The following CFDP1 variants were observed in gnomAD, a reference collection of about 807,000 sequenced individuals.
CFDP1 encodes the protein chromatin remodeling protein CFDP1, also known as heterochromatin-stabilizing protein CFDP1.
Under a neutral mutation model 40.1 loss-of-function variants are expected in CFDP1, and 31 were observed. The observed-to-expected ratio is 0.77, with a 90% CI of 0.58 to 1.04. The LOEUF is 1.04. Ranked by LOEUF, CFDP1 falls within the 50% of genes least tolerant of loss-of-function variation. CFDP1 has a pLI of 0.00. For synonymous variants in CFDP1, 167 were observed against 120.0 expected, an observed-to-expected ratio of 1.39 and a Z score of -2.56; for missense variants, 423 against 343.4, an observed-to-expected ratio of 1.23 and a Z score of -1.83.
chr16:75,383,773 C>T (rs562492151), intron 5 of CFDP1, among the ~76,000 whole-genome samples: 87 of 142,438 alleles, frequency 6.1e-4, no homozygotes, highest in African/African-American at 2.2e-3. Context: ...AAGCCGAGAT[C>T]GTGCCACTGC....
intron 5 of CFDP1, among the ~76,000 whole-genome samples, chr16:75,321,574 T>C (rs1484339642): frequency 6.6e-6 from 1 of 152,186 alleles, no homozygotes; most frequent in African/African-American, 2.4e-5. Context: ...TTTGGGCTTT[T>C]ACCAGCCTGA....
intron 4 of CFDP1, among the ~76,000 whole-genome samples, chr16:75,408,012 G>A (rs1597391165): frequency 6.6e-6 from 1 of 152,146 alleles, no homozygotes; most frequent in Non-Finnish European, 1.5e-5. Context: ...GCTGAGGTGG[G>A]AGAATGACTT....
chr16:75,314,266 T>C (rs889998546), intron 5 of CFDP1, among the ~76,000 whole-genome samples: 1 of 152,156 alleles, frequency 6.6e-6, no homozygotes, highest in African/African-American at 2.4e-5. Context: ...GATAAGTTAC[T>C]TAATGGGCTA....
At chr16:75,431,454 C>CAAAAAAAAAAAAAAAAAA (rs60902612) in intron 1 of CFDP1, among the ~76,000 whole-genome samples, 2 of 59,600 alleles carry the variant, frequency 3.4e-5, no homozygotes, top group African/African-American at 6.7e-5. Flanking sequence ...ACTCTTGTCT[C>CAAAAAAAAAAAAAAAAAA]AAAAAAAAAA....
At position 75,394,657 on chromosome 16, in the gene CFDP1, G is replaced by GTTTTTTTTTTTTTTTTTTTTT. The variant is rs1567670026; in HGVS notation, c.650+432_650+433insAAAAAAAAAAAAAAAAAAAAA. 6.8e-5 allele frequency: 4 copies of GTTTTTTTTTTTTTTTTTTTTT among 58,568 alleles called. 1 individual carries two copies. Among genetic ancestry groups the GTTTTTTTTTTTTTTTTTTTTT allele is most frequent in the Non-Finnish European group, 1.2e-4 (3 of 24,602 alleles). 3.6% of individuals were successfully genotyped at this position (58,568 alleles called of 1,614,324 possible). ...AAGAAAGCTACAACTAATTTTCTTCGCTTTTTTTTTTTTTTTTTTTTTTTA... is the reference window on the plus strand; with the variant it reads ...AAGAAAGCTACAACTAATTTTCTTCGTTTTTTTTTTTTTTTTTTTTTCTTTTTTTTTTTTTTTTTTTTTTTA... On this transcript the variant is annotated intron_variant, in intron 5 of 6. Transcript: ENST00000283882.
intron 5 of CFDP1, among the ~76,000 whole-genome samples, chr16:75,379,329 A>G (rs781714617): frequency 3.0e-5 from 4 of 133,212 alleles, no homozygotes; most frequent in African/African-American, 1.0e-4. Flanking sequence ...GTCTAGCAAG[A>G]CTGACCAAAA....
intron 5 of CFDP1, among the ~76,000 whole-genome samples, chr16:75,333,048 T>C (rs1250534972): frequency 6.6e-6 from 1 of 151,720 alleles, no homozygotes; most frequent in East Asian, 1.9e-4. Flanking sequence ...CCTCAGGTGA[T>C]CTGCCTGCTT....
At chr16:75,386,498 G>C (rs562844559) in intron 5 of CFDP1, among the ~76,000 whole-genome samples, 1 of 152,220 alleles carries the variant, frequency 6.6e-6, no homozygotes, top group African/African-American at 2.4e-5. Context: ...GCCCAGGCAG[G>C]TGGATTGCTT....
intron 1 of CFDP1, among the ~76,000 whole-genome samples, chr16:75,427,806 GCTTT>G (rs1458060113): frequency 6.6e-6 from 1 of 152,172 alleles, no homozygotes; most frequent in Non-Finnish European, 1.5e-5. Context: ...TTTATAAACA[GCTTT>G]ATTTGTAATC....
At chr16:75,296,291 G>C (rs1230264316) in intron 6 of CFDP1, among the ~76,000 whole-genome samples, 4 of 152,068 alleles carry the variant, frequency 2.6e-5, no homozygotes, top group African/African-American at 4.8e-5. Context: ...GCTCAGGCTG[G>C]AGTGCAGTGG....
intron 5 of CFDP1, among the ~76,000 whole-genome samples, chr16:75,356,385 C>T (rs1036791936): frequency 2.6e-5 from 4 of 152,172 alleles, no homozygotes; most frequent in Admixed American, 1.3e-4. Flanking sequence ...TGACTGGGTA[C>T]ACTGTCAATG....
At chr16:75,296,294 T>A (rs1283143729) in intron 6 of CFDP1, among the ~76,000 whole-genome samples, 1 of 152,016 alleles carries the variant, frequency 6.6e-6, no homozygotes, top group Non-Finnish European at 1.5e-5. Context: ...CAGGCTGGAG[T>A]GCAGTGGTGC....
chr16:75,340,312 T>C (rs944367111), intron 5 of CFDP1, among the ~76,000 whole-genome samples: 1 of 152,244 alleles, frequency 6.6e-6, no homozygotes, highest in Non-Finnish European at 1.5e-5. Context: ...GAAGAAGAAT[T>C]CATTTTTGGT....
chr16:75,313,260 C>T (rs985528074), intron 5 of CFDP1, among the ~76,000 whole-genome samples: 1 of 152,306 alleles, frequency 6.6e-6, no homozygotes, highest in East Asian at 1.9e-4. Context: ...GTGCTTGGTT[C>T]GTGCATATAA....
chr16:75,316,399 A>T (rs1162673195), intron 5 of CFDP1, among the ~76,000 whole-genome samples: 2 of 152,178 alleles, frequency 1.3e-5, no homozygotes, highest in Non-Finnish European at 2.9e-5. Context: ...GTGAATTAAT[A>T]GTAAAGAATC....
At chr16:75,320,865 T>C (rs1264421090) in intron 5 of CFDP1, among the ~76,000 whole-genome samples, 1 of 152,208 alleles carries the variant, frequency 6.6e-6, no homozygotes, top group Admixed American at 6.5e-5. Flanking sequence ...CAAGGAATAG[T>C]TTCCCTCTAA....
At chr16:75,359,056 C>T (rs866625980) in intron 5 of CFDP1, among the ~76,000 whole-genome samples, 2 of 152,154 alleles carry the variant, frequency 1.3e-5, no homozygotes, top group Non-Finnish European at 2.9e-5. Flanking sequence ...TTTCCAACTA[C>T]ATATTTGAGT....
chr16:75,330,556 T>C (rs1156632436), intron 5 of CFDP1, among the ~76,000 whole-genome samples: 1 of 152,190 alleles, frequency 6.6e-6, no homozygotes, highest in Non-Finnish European at 1.5e-5. Context: ...ACCAGTGCAC[T>C]CCAGCCTGGG....
At chr16:75,305,420 T>G (rs2078250382) in intron 5 of CFDP1, 1 of 485,656 alleles carries the variant, frequency 2.1e-6, no homozygotes, top group East Asian at 3.6e-5. Flanking sequence ...CAGGAAATCC[T>G]GCCTTCTTCA....
Sources: allele counts gnomAD v4.1 joint callset (sites outside exome capture counted in the v4.1 genomes callset), GRCh38; gene constraint gnomAD v4.1.1; transcripts MANE v1.5; gene names NCBI Gene and HGNC (gene_info 2026-07-23, HGNC 2026-07-21).